Variants in ZNF710 observed in about 807,000 individuals in gnomAD.
ZNF710 encodes the protein zinc finger protein 710.
A neutral mutation model predicts 50.6 loss-of-function variants in ZNF710; 13 were observed. That is an observed-to-expected ratio of 0.26 (90% CI 0.17 to 0.41). The LOEUF (loss-of-function observed/expected upper bound fraction) is 0.41, where lower values mean the gene tolerates loss of function less well. Ranked by LOEUF, ZNF710 falls within the 10% of genes least tolerant of loss-of-function variation. ZNF710 has a pLI of 1.00. For synonymous variants in ZNF710, 383 were observed against 397.0 expected, an observed-to-expected ratio of 0.96 and a Z score of 0.42; for missense variants, 721 against 936.6, an observed-to-expected ratio of 0.77 and a Z score of 3.01.
chr15:90,054,660 C>T (rs1899754986), intron 1 of ZNF710, among the ~76,000 whole-genome samples: 1 of 152,238 alleles, frequency 6.6e-6, no homozygotes, highest in South Asian at 2.1e-4. Context: ...AGTGAATGGT[C>T]CTATTGTTAC....
At chr15:90,022,917 CT>C (rs1898665608) in intron 1 of ZNF710, among the ~76,000 whole-genome samples, 1 of 152,190 alleles carries the variant, frequency 6.6e-6, no homozygotes, top group Non-Finnish European at 1.5e-5. Flanking sequence ...GTAGAAAGCT[CT>C]TTTGAAATGT....
At chr15:90,049,098 G>A (rs1439415298) in intron 1 of ZNF710, among the ~76,000 whole-genome samples, 2 of 152,212 alleles carry the variant, frequency 1.3e-5, no homozygotes, top group African/African-American at 4.8e-5. Flanking sequence ...CATATTGTAT[G>A]TGTACATATA....
intron 1 of ZNF710, among the ~76,000 whole-genome samples, chr15:90,028,604 C>T (rs1489645892): frequency 1.3e-5 from 2 of 152,212 alleles, no homozygotes; most frequent in Non-Finnish European, 2.9e-5. Flanking sequence ...GACACAGTGT[C>T]ATTATTCACC....
At chr15:90,066,980 A>T in intron 1 of ZNF710, 130 bp from the exon 2 acceptor site, 1 of 1,006,522 alleles carries the variant, frequency 9.9e-7, no homozygotes, top group Admixed American at 2.9e-5. Context: ...CCTGTTCCCA[A>T]GGCCAGGAGT....
At chr15:90,036,758 G>T (rs1272364782) in intron 1 of ZNF710, among the ~76,000 whole-genome samples, 1 of 152,112 alleles carries the variant, frequency 6.6e-6, no homozygotes, top group Non-Finnish European at 1.5e-5. Flanking sequence ...GAACCAGAAG[G>T]GTCTTCAGCA....
chr15:90,052,709 T>A (rs1030726665), intron 1 of ZNF710, among the ~76,000 whole-genome samples: 1 of 152,176 alleles, frequency 6.6e-6, no homozygotes, highest in Non-Finnish European at 1.5e-5. Context: ...GGTGGGCAGA[T>A]CATCTGAGGT....
rs1567236962 is a variant in ZNF710 at position 90,058,725 on chromosome 15, A to ATG, written c.-28-8384_-28-8383insGT. ...TTTATATATATATATATATACACAC[A>ATG]TATACACACACACGTACACAGAGAG... is the stretch of plus-strand genomic sequence containing the variant. On this transcript the variant is annotated intron_variant, in intron 1 of 4. Coordinates refer to ENST00000268154, the MANE Select transcript of ZNF710 (RefSeq NM_198526.4). Among the ~76,000 whole-genome samples, 203 of 145,270 alleles carry ATG rather than the reference A, an allele frequency of 1.4e-3. 4 individuals carry two copies. Among genetic ancestry groups the ATG allele is most frequent in the African/African-American group, 5.5e-3 (194 of 35,078 alleles).
In ZNF710 at chr15:90,068,509, C is replaced by G. The variant is rs1900268536; in HGVS notation, c.1372C>G (p.Gln458Glu). Residue 458 changes from glutamine (Q) to glutamate (E), a missense_variant, in exon 2 of 5, where the codon CAG (glutamine) becomes GAG (glutamate). Coordinates refer to ENST00000268154, the MANE Select transcript of ZNF710 (RefSeq NM_198526.4). This position sits in a 1 kb window ranked among gnomAD's most constrained non-coding sequence, Gnocchi z 5.0. ...SQLQNHMLKH[Q>E]NVRPFVCTEC... ...GTTGCAGAACCACATGCTCAAGCAC[C>G]AGAACGTGCGACCCTTCGTGTGCAC... 1 of 1,613,658 alleles carries G rather than the reference C, an allele frequency of 6.2e-7. No individual in the cohort carries two copies. Among genetic ancestry groups the G allele is most frequent in the Non-Finnish European group, 8.5e-7 (1 of 1,180,036 alleles).
At chr15:90,066,820 A>G (rs1439864688) in intron 1 of ZNF710, among the ~76,000 whole-genome samples, 1 of 152,066 alleles carries the variant, frequency 6.6e-6, no homozygotes, top group Non-Finnish European at 1.5e-5. Flanking sequence ...ACAATTTGAG[A>G]ACAATTGAGG....
At chr15:90,048,809 G>A (rs539188126) in intron 1 of ZNF710, among the ~76,000 whole-genome samples, 1 of 152,180 alleles carries the variant, frequency 6.6e-6, no homozygotes, top group Admixed American at 6.5e-5. Flanking sequence ...GCCTCTCCAG[G>A]GTCCTCCTCA....
At position 90,015,029 on chromosome 15, in the gene ZNF710, A is replaced by G. The variant is rs113233355; in HGVS notation, c.-29+13415A>G. Among the ~76,000 whole-genome samples the G allele has an allele frequency of 1.7e-3, 251 of 151,678 alleles. 2 individuals carry two copies. The highest frequency in any genetic ancestry group is 5.6e-3 in the African/African-American group (232 of 41,312). ...TGCCTCAGCCTCCTGAGTAGCTGGG[A>G]TTACAGGCATGCACCACTACCCCAG... On this transcript the variant is annotated intron_variant, in intron 1 of 4. Transcript: ENST00000268154.
At position 90,026,265 on chromosome 15, in the gene ZNF710, ACAAC is replaced by A. The variant is rs796422885; in HGVS notation, c.-29+24652_-29+24655del. On this transcript the variant is annotated intron_variant, in intron 1 of 4. Transcript: ENST00000268154. ...GAAAAAAAACAAAACAACAACAACA[ACAAC>A]AAAAAAAAAAAAGGGAATGAGAAAG... is the stretch of plus-strand genomic sequence containing the variant. 1.7e-3 allele frequency among the ~76,000 whole-genome samples: 229 copies of A among 138,368 alleles called. 5 individuals carry two copies. The South Asian group carries it at 0.019, about 12-fold the overall frequency. 90.8% of individuals were successfully genotyped at this position (138,368 alleles called of 152,430 possible). A position where few individuals can be genotyped will look rare whatever the true frequency, so the allele number is the denominator to read the frequency against.
At chr15:90,074,507 CAATAT>C (rs1707720976) in intron 4 of ZNF710, 3 of 1,508,012 alleles carry the variant, frequency 2.0e-6, no homozygotes, top group Non-Finnish European at 2.7e-6. Flanking sequence ...ATCACGTAAA[CAATAT>C]AATAAAAATC....
intron 1 of ZNF710, among the ~76,000 whole-genome samples, chr15:90,037,861 G>C (rs1043736355): frequency 6.6e-6 from 1 of 152,188 alleles, no homozygotes; most frequent in East Asian, 1.9e-4. Flanking sequence ...TAATACGGTC[G>C]CTAGGCTTCC....
intron 1 of ZNF710, among the ~76,000 whole-genome samples, chr15:90,031,332 A>G (rs1387258539): frequency 6.6e-6 from 1 of 152,210 alleles, no homozygotes; most frequent in Non-Finnish European, 1.5e-5. Context: ...AGGATGCAGC[A>G]TCACCCGGGA....
rs185374735 is a variant in ZNF710, at chr15:90,033,223, T to C, written c.-29+31609T>C. 9.2e-3 allele frequency among the ~76,000 whole-genome samples: 1,397 copies of C among 152,308 alleles called. 25 individuals are homozygous for C. The highest frequency in any genetic ancestry group is 0.03 in the African/African-American group (1,267 of 41,566). ...ACAGCGTGTGGGCCAGGGTGAGCAC[T>C]GTTGACCCCACGTGGCAGGACTCAG... On this transcript the variant is annotated intron_variant, in intron 1 of 4. Coordinates refer to ENST00000268154, the MANE Select transcript of ZNF710 (RefSeq NM_198526.4).
intron 1 of ZNF710, among the ~76,000 whole-genome samples, chr15:90,066,112 C>A (rs1455296235): frequency 6.6e-6 from 1 of 152,122 alleles, no homozygotes; most frequent in Non-Finnish European, 1.5e-5. Context: ...AAATGTATAA[C>A]ATTTAGCTAA....
intron 1 of ZNF710, among the ~76,000 whole-genome samples, chr15:90,008,442 A>ATG (rs1567218414): frequency 5.4e-4 from 75 of 137,868 alleles, no homozygotes; most frequent in Non-Finnish European, 9.0e-4. Context: ...ATATATATAC[A>ATG]TATATATATA....
At chr15:89,998,664 G>A (rs1435808622), upstream of ZNF710, among the ~76,000 whole-genome samples, 4 of 152,162 alleles carry the variant, frequency 2.6e-5, no homozygotes, top group Non-Finnish European at 5.9e-5. Context: ...AAAAGCTACC[G>A]GGGATTGGTG....
Sources: gnomAD v4.1 joint callset for allele counts (sites outside exome capture counted in the v4.1 genomes callset) on GRCh38, gnomAD v4.1.1 for gene constraint, Gnocchi (gnomAD v3.1) non-coding constraint, MANE v1.5 for transcripts, NCBI Gene and HGNC (gene_info 2026-07-23, HGNC 2026-07-21) for gene names.